The following TMEM135 variants were observed in gnomAD, a reference collection of about 807,000 sequenced individuals.
The protein encoded by TMEM135 is transmembrane protein 135.
In TMEM135, 30 loss-of-function variants were observed where a neutral mutation model predicts 60.3. The observed-to-expected ratio is 0.50, with a 90% CI of 0.37 to 0.68. The LOEUF is 0.68. TMEM135 is among the 30% of genes least tolerant of loss of function. The probability of loss-of-function intolerance (pLI) is 0.00; values close to 1 mark genes in which losing one functional copy is unlikely to be tolerated. For synonymous variants in TMEM135, 190 were observed against 186.7 expected (o/e 1.02, Z -0.14); for missense variants, 468 against 548.8 (o/e 0.85, Z 1.47).
At chr11:87,316,451 A>T (rs573319796) in intron 12 of TMEM135, among the ~76,000 whole-genome samples, 1 of 152,174 alleles carries the variant, frequency 6.6e-6, no homozygotes, top group African/African-American at 2.4e-5. Context: ...AAGAGTTTTA[A>T]GCATGGAAAT....
At chr11:87,135,450 A>G (rs1160283843) in intron 4 of TMEM135, among the ~76,000 whole-genome samples, 13 of 150,072 alleles carry the variant, frequency 8.7e-5, no homozygotes, top group Admixed American at 8.6e-4. Context: ...ATTTTTGCAT[A>G]TAGTTAAACA....
At chr11:87,219,890 A>G (rs1940580630) in intron 5 of TMEM135, among the ~76,000 whole-genome samples, 1 of 152,186 alleles carries the variant, frequency 6.6e-6, no homozygotes, top group Non-Finnish European at 1.5e-5. Context: ...ATAATATGCA[A>G]ACTTTTCTTC....
chr11:87,086,317 T>A (rs1392849378), intron 3 of TMEM135, among the ~76,000 whole-genome samples: 3 of 151,912 alleles, frequency 2.0e-5, no homozygotes, highest in Non-Finnish European at 4.4e-5. Context: ...CCCCCTGCCC[T>A]GCACCCAGGC....
chr11:87,140,044 G>C lies in TMEM135; in HGVS notation c.397-17297G>C, dbSNP rs189538012. 7.6e-4 allele frequency among the ~76,000 whole-genome samples: 115 copies of C among 151,704 alleles called. 1 individual carries two copies. The highest frequency in any genetic ancestry group is 1.3e-3 in the Non-Finnish European group (90 of 67,894). ...ATATATTTGCAGATATTTTTTCAGAGTTTGTGGCTTACTTTTTCTTTCTTT... is the reference window on the plus strand; with the variant it reads ...ATATATTTGCAGATATTTTTTCAGACTTTGTGGCTTACTTTTTCTTTCTTT... On this transcript the variant is annotated intron_variant, in intron 4 of 14. Transcript: ENST00000305494.
In TMEM135 at chr11:87,292,197, A is replaced by T. The variant is rs535164294; in HGVS notation, c.510-3585A>T. Among the ~76,000 whole-genome samples, 13 of 152,310 alleles carry T rather than the reference A, an allele frequency of 8.5e-5. 1 individual carries two copies. The South Asian group carries it at 2.5e-3, about 29-fold the overall frequency. Reference sequence around the variant, plus strand: ...ATACTGTGTAAAGTAATGAAGCCTGACTACGTCACTGTTTCTCCCCTTATC... The same window carrying T: ...ATACTGTGTAAAGTAATGAAGCCTGTCTACGTCACTGTTTCTCCCCTTATC... On this transcript the variant is annotated intron_variant, in intron 6 of 14. Transcript: ENST00000305494.
intron 6 of TMEM135, among the ~76,000 whole-genome samples, chr11:87,269,325 T>C (rs1340379599): frequency 1.4e-5 from 2 of 138,880 alleles, no homozygotes; most frequent in East Asian, 4.1e-4. Flanking sequence ...TTTGTGCAAG[T>C]GTGGATTTCT....
chr11:87,202,768 C>G (rs1038982296), intron 5 of TMEM135, among the ~76,000 whole-genome samples: 1 of 148,828 alleles, frequency 6.7e-6, no homozygotes, highest in African/African-American at 2.5e-5. Context: ...CACGGTGGCT[C>G]AAGCCTCTAA....
intron 5 of TMEM135, among the ~76,000 whole-genome samples, chr11:87,214,778 G>C (rs4943976): frequency 0.028 from 4,333 of 152,180 alleles, 186 homozygotes; most frequent in African/African-American, 0.095. Flanking sequence ...CGACTGATTA[G>C]TTACAAGATC....
chr11:87,246,640 G>A (rs1453380799), intron 6 of TMEM135, among the ~76,000 whole-genome samples: 2 of 150,120 alleles, frequency 1.3e-5, no homozygotes, highest in Admixed American at 6.7e-5. Flanking sequence ...CCAGTTGATT[G>A]TGTCGGCTCC....
At chr11:87,288,534 GTGAT>G (rs1942209172) in intron 6 of TMEM135, among the ~76,000 whole-genome samples, 1 of 152,152 alleles carries the variant, frequency 6.6e-6, no homozygotes, top group Admixed American at 6.5e-5. Context: ...TACATCATAA[GTGAT>G]TGAGAAGAAT....
Position 87,322,926 on chromosome 11 carries a change from T to C in TMEM135, c.*1593T>C, listed in dbSNP as rs1384479142. 2.2e-6 allele frequency: 1 copy of C among 454,422 alleles called. No homozygotes were observed. The highest frequency in any genetic ancestry group is 6.9e-5 in the East Asian group (1 of 14,396). 28.1% of individuals were successfully genotyped at this position (454,422 alleles called of 1,614,324 possible). On this transcript the variant is annotated 3_prime_UTR_variant, in exon 15 of 15. Transcript: ENST00000305494. ...ATCATTTCGGTTTCAGACTTCAAAG[T>C]TGATTAATAAATTTAATCTTAACTT...
intron 5 of TMEM135, among the ~76,000 whole-genome samples, chr11:87,170,944 GCC>G (rs1161534010): frequency 6.6e-6 from 1 of 152,132 alleles, no homozygotes; most frequent in Admixed American, 6.5e-5. Context: ...CTATCTATAA[GCC>G]CCTGCCTGGG....
chr11:87,245,617 G>C (rs1941250445), intron 6 of TMEM135, among the ~76,000 whole-genome samples: 1 of 138,592 alleles, frequency 7.2e-6, no homozygotes, highest in Non-Finnish European at 1.6e-5. Context: ...GGCCTTCTTT[G>C]TCTCTTTTGA....
At chr11:87,171,737 C>T (rs1006855301) in intron 5 of TMEM135, among the ~76,000 whole-genome samples, 4 of 152,048 alleles carry the variant, frequency 2.6e-5, no homozygotes, top group Non-Finnish European at 5.9e-5. Flanking sequence ...TAGTGGTGTC[C>T]GACCTTTTTG....
chr11:87,316,128 C>G (rs372452425), intron 12 of TMEM135, among the ~76,000 whole-genome samples: 6 of 151,920 alleles, frequency 3.9e-5, no homozygotes, highest in Admixed American at 3.9e-4. Context: ...TCTTGGCTTT[C>G]GCAGTGAATG....
At chr11:87,224,965 G>A (rs1203861358) in intron 5 of TMEM135, among the ~76,000 whole-genome samples, 1 of 151,850 alleles carries the variant, frequency 6.6e-6, no homozygotes, top group East Asian at 1.9e-4. Context: ...TAAAAATTAT[G>A]CTTCTTACAT....
chr11:87,322,040 G>C lies in TMEM135; in HGVS notation c.*707G>C. The stretch of plus-strand genomic sequence containing the variant: ...AACCTATGTACTAATGGCAAGTTAG[G>C]GGCAAATGGAAATGGACACATCCGA... On this transcript the variant is annotated 3_prime_UTR_variant, in exon 15 of 15. Coordinates refer to ENST00000305494, the MANE Select transcript of TMEM135 (RefSeq NM_022918.4). The C allele has an allele frequency of 4.4e-6, 2 of 454,332 alleles. No homozygotes were observed. Among genetic ancestry groups the C allele is most frequent in the South Asian group, 3.1e-5 (2 of 64,446 alleles). 28.1% of individuals were successfully genotyped at this position (454,332 alleles called of 1,614,324 possible).
chr11:87,106,126 CAG>C (rs1218434368), intron 4 of TMEM135, among the ~76,000 whole-genome samples: 14 of 150,638 alleles, frequency 9.3e-5, no homozygotes, highest in Admixed American at 7.9e-4. Flanking sequence ...TTTTTTGAGA[CAG>C]AGTCTCTCTC....
intron 6 of TMEM135, among the ~76,000 whole-genome samples, chr11:87,278,138 C>G (rs1046177296): frequency 2.0e-5 from 3 of 152,126 alleles, no homozygotes; most frequent in Non-Finnish European, 4.4e-5. Context: ...GTTCCTCAGG[C>G]TTTTACCTTG....
Sources: allele counts gnomAD v4.1 joint callset (sites outside exome capture counted in the v4.1 genomes callset), GRCh38; gene constraint gnomAD v4.1.1; transcripts MANE v1.5; gene names NCBI Gene and HGNC (gene_info 2026-07-23, HGNC 2026-07-21).